Variants in EEA1 observed in about 807,000 individuals in gnomAD.
EEA1 encodes early endosome antigen 1, 162kD.
Under a neutral mutation model 209.2 loss-of-function variants are expected in EEA1, and 111 were observed. The ratio of observed to expected loss-of-function variants is 0.53; its 90% CI spans 0.45 to 0.62. The LOEUF (loss-of-function observed/expected upper bound fraction) is 0.62, where lower values mean the gene tolerates loss of function less well. EEA1 is among the 20% of genes least tolerant of loss of function. The pLI is 0.00. For synonymous variants in EEA1, 536 were observed against 540.6 expected (o/e 0.99, Z 0.12); for missense variants, 1,343 against 1,530.8 (o/e 0.88, Z 2.05).
intron 2 of EEA1, among the ~76,000 whole-genome samples, chr12:92,875,957 C>G (rs1239100203): frequency 1.3e-5 from 2 of 152,142 alleles, no homozygotes; most frequent in Non-Finnish European, 2.9e-5. Context: ...TTATCCCCTC[C>G]TCAGAGAAGT....
chr12:92,916,041 A>T (rs1160223228), intron 1 of EEA1, among the ~76,000 whole-genome samples: 2 of 152,212 alleles, frequency 1.3e-5, no homozygotes, highest in Non-Finnish European at 2.9e-5. Flanking sequence ...AATTAACTTA[A>T]TATTAAGTGA....
Position 92,775,206 on chromosome 12 carries a change from G to A in EEA1, c.*805C>T, listed in dbSNP as rs1873603865. On this transcript the variant is annotated 3_prime_UTR_variant, in exon 29 of 29. Coordinates refer to ENST00000322349, the MANE Select transcript of EEA1 (RefSeq NM_003566.4). The stretch of plus-strand genomic sequence containing the variant: ...TTATTCATCCTCCAACTGACAGCGA[G>A]GGTAAGAAGCTTTCTAAGATTCTAA... 1 of 151,612 alleles carries A rather than the reference G, an allele frequency of 6.6e-6. No individual in the cohort carries two copies. The highest frequency in any genetic ancestry group is 1.5e-5 in the Non-Finnish European group (1 of 67,680). 9.4% of individuals were successfully genotyped at this position (151,612 alleles called of 1,614,324 possible).
chr12:92,834,540 T>G (rs1357497546), intron 10 of EEA1, among the ~76,000 whole-genome samples: 1 of 106,532 alleles, frequency 9.4e-6, no homozygotes, highest in Non-Finnish European at 1.8e-5. Flanking sequence ...GGCAAGACCC[T>G]GTCACTAAAA....
At chr12:92,778,224 T>G in intron 25 of EEA1, 45 bp from the exon 26 acceptor site, 1 of 1,476,120 alleles carries the variant, frequency 6.8e-7, no homozygotes, top group Non-Finnish European at 9.4e-7. Context: ...ACAAAAGTAG[T>G]GCAAAATAAA....
intron 22 of EEA1, among the ~76,000 whole-genome samples, chr12:92,787,026 A>G (rs567644852): frequency 4.6e-5 from 7 of 152,328 alleles, no homozygotes; most frequent in South Asian, 4.1e-4. Flanking sequence ...ATTCAAATTC[A>G]GGACCTAATC....
chr12:92,928,460 T>G (rs1269354616), intron 1 of EEA1, among the ~76,000 whole-genome samples: 2 of 152,176 alleles, frequency 1.3e-5, no homozygotes, highest in Non-Finnish European at 2.9e-5. Context: ...GTGAGTAACA[T>G]CTTCCTTCTC....
chr12:92,844,680 A>G (rs1592732758), intron 9 of EEA1, among the ~76,000 whole-genome samples: 2 of 152,178 alleles, frequency 1.3e-5, no homozygotes, highest in African/African-American at 4.8e-5. Context: ...GACTATTTTA[A>G]CTCACTATGT....
At chr12:92,823,684 T>C (rs918424389) in intron 13 of EEA1, among the ~76,000 whole-genome samples, 1 of 152,224 alleles carries the variant, frequency 6.6e-6, no homozygotes, top group Non-Finnish European at 1.5e-5. Flanking sequence ...TCTTTCATCC[T>C]TTCTGTATTC....
intron 22 of EEA1, among the ~76,000 whole-genome samples, chr12:92,786,784 C>G (rs1289910228): frequency 6.6e-6 from 1 of 152,174 alleles, no homozygotes; most frequent in Non-Finnish European, 1.5e-5. Context: ...TTTTACTCCT[C>G]TATTTAGACT....
intron 2 of EEA1, chr12:92,884,234 C>T (rs1879284829): frequency 6.6e-7 from 1 of 1,519,092 alleles, no homozygotes; most frequent in Admixed American, 1.7e-5. Context: ...CTTTGACGAC[C>T]ATGACTCCGT....
At chr12:92,884,645 C>A (rs1331771790) in intron 2 of EEA1, 1 of 1,334,952 alleles carries the variant, frequency 7.5e-7, no homozygotes. Context: ...ACCATGAAAC[C>A]AAGGTGGCTA....
intron 2 of EEA1, among the ~76,000 whole-genome samples, chr12:92,874,756 AAG>A (rs1240367714): frequency 6.6e-6 from 1 of 152,204 alleles, no homozygotes; most frequent in East Asian, 1.9e-4. Flanking sequence ...TTCATTCAAA[AAG>A]TATTTACTTG....
At chr12:92,904,058 G>C (rs1419265115) in intron 1 of EEA1, among the ~76,000 whole-genome samples, 1 of 151,942 alleles carries the variant, frequency 6.6e-6, no homozygotes, top group Non-Finnish European at 1.5e-5. Context: ...CGCCTCCCGG[G>C]TTCAAGCGAT....
chr12:92,782,601 G>A (rs1417318017), intron 22 of EEA1, among the ~76,000 whole-genome samples: 2 of 152,198 alleles, frequency 1.3e-5, no homozygotes, highest in Non-Finnish European at 2.9e-5. Context: ...GTTCTATGAT[G>A]TCCCTTGACA....
At chr12:92,896,389 T>C (rs552910551) in intron 1 of EEA1, among the ~76,000 whole-genome samples, 1 of 152,274 alleles carries the variant, frequency 6.6e-6, no homozygotes, top group East Asian at 1.9e-4. Flanking sequence ...GTGAACACTG[T>C]TGAAATGACA....
intron 27 of EEA1, among the ~76,000 whole-genome samples, chr12:92,777,239 T>C (rs2136646115): frequency 6.6e-6 from 1 of 152,036 alleles, no homozygotes; most frequent in South Asian, 2.1e-4. Context: ...TCTGAGAATA[T>C]ACTCAGATCG....
rs191764520 is a variant in EEA1, at chr12:92,888,412, C to A, written c.117+3217G>T. ...TGGCTAACATGAAACCCCATCTCTACTAAAAATACAAAAAATTAGCCGGGT... is the reference window on the plus strand; with the variant it reads ...TGGCTAACATGAAACCCCATCTCTAATAAAAATACAAAAAATTAGCCGGGT... On this transcript the variant is annotated intron_variant, in intron 2 of 28. Coordinates refer to ENST00000322349, the MANE Select transcript of EEA1 (RefSeq NM_003566.4). Among the ~76,000 whole-genome samples the A allele has an allele frequency of 2.2e-3, 341 of 152,168 alleles. 3 individuals are homozygous for A. Among genetic ancestry groups the A allele is most frequent in the African/African-American group, 7.8e-3 (323 of 41,532 alleles).
At chr12:92,838,661 A>C (rs895751262) in intron 10 of EEA1, among the ~76,000 whole-genome samples, 10 of 152,192 alleles carry the variant, frequency 6.6e-5, no homozygotes, top group African/African-American at 2.4e-4. Context: ...GAGGTCATCT[A>C]GTAAATCTGA....
intron 2 of EEA1, among the ~76,000 whole-genome samples, chr12:92,868,380 T>A (rs1170979620): frequency 6.6e-6 from 1 of 152,230 alleles, no homozygotes; most frequent in East Asian, 1.9e-4. Context: ...CATTTCTCTT[T>A]TGTGTCTCAA....
Sources: gnomAD v4.1 joint callset for allele counts (sites outside exome capture counted in the v4.1 genomes callset) on GRCh38, gnomAD v4.1.1 for gene constraint, MANE v1.5 for transcripts, NCBI Gene and HGNC (gene_info 2026-07-23, HGNC 2026-07-21) for gene names.